PAPPA2: variants seen among roughly 807,000 people sequenced by gnomAD.
PAPPA2 encodes pappalysin-2.
PAPPA2 carries 86 observed loss-of-function variants against 176.4 expected under a neutral mutation model. The observed-to-expected ratio is 0.49, with a 90% confidence interval of 0.41 to 0.58. The LOEUF is 0.58. Among genes scored for constraint, PAPPA2 ranks in the 20% least tolerant of loss-of-function variants. The pLI is 0.00. For synonymous variants in PAPPA2, 809 were observed against 852.2 expected (o/e 0.95, Z 0.88); for missense variants, 2,073 against 2,256.9 (o/e 0.92, Z 1.65).
intron 3 of PAPPA2, among the ~76,000 whole-genome samples, chr1:176,662,561 C>G (rs921265614): frequency 1.3e-5 from 2 of 151,274 alleles, no homozygotes; most frequent in Admixed American, 1.3e-4. Context: ...TATGTTGGTT[C>G]AAGCCTTTTT....
chr1:176,745,955 C>T (rs1368006967), intron 14 of PAPPA2, among the ~76,000 whole-genome samples: 1 of 152,186 alleles, frequency 6.6e-6, no homozygotes, highest in Non-Finnish European at 1.5e-5. Flanking sequence ...CCACTGGGCA[C>T]TAATGAAACT....
intron 12 of PAPPA2, among the ~76,000 whole-genome samples, chr1:176,719,892 T>A (rs1661544708): frequency 6.6e-6 from 1 of 152,224 alleles, no homozygotes; most frequent in African/African-American, 2.4e-5. Flanking sequence ...TTTTAGTTTC[T>A]GTGTGAATGA....
intron 1 of PAPPA2, among the ~76,000 whole-genome samples, chr1:176,468,821 C>A (rs2102461820): frequency 6.6e-6 from 1 of 152,318 alleles, no homozygotes; most frequent in South Asian, 2.1e-4. Context: ...GCTAAGATTT[C>A]TCTTTGTTCT....
At chr1:176,755,427 G>A (rs540094855) in intron 14 of PAPPA2, among the ~76,000 whole-genome samples, 1 of 152,310 alleles carries the variant, frequency 6.6e-6, no homozygotes, top group East Asian at 1.9e-4. Flanking sequence ...GAGTGACACA[G>A]TCTGAAGCTC....
chr1:176,793,722 C>T, intron 20 of PAPPA2, 53 bp downstream of exon 20: 1 of 1,359,506 alleles, frequency 7.4e-7, no homozygotes, highest in Non-Finnish European at 1.0e-6. Flanking sequence ...CTGAGCAACA[C>T]TTGGAGCATT....
intron 3 of PAPPA2, among the ~76,000 whole-genome samples, chr1:176,627,107 C>T (rs1344316236): frequency 2.0e-5 from 3 of 152,018 alleles, no homozygotes; most frequent in African/African-American, 7.3e-5. Flanking sequence ...ACCTATGCTA[C>T]TGGTACTAAA....
intron 4 of PAPPA2, among the ~76,000 whole-genome samples, chr1:176,688,571 A>C (rs1159859205): frequency 6.6e-6 from 1 of 152,238 alleles, no homozygotes; most frequent in African/African-American, 2.4e-5. Flanking sequence ...AAAAAGGATA[A>C]GTTTAGAGAA....
At chr1:176,661,888 A>G (rs961502069) in intron 3 of PAPPA2, among the ~76,000 whole-genome samples, 19 of 151,870 alleles carry the variant, frequency 1.3e-4, no homozygotes, top group African/African-American at 4.6e-4. Flanking sequence ...TGCCTTATTA[A>G]TGTTTGATTA....
chr1:176,753,518 T>C (rs1431995253), intron 14 of PAPPA2, among the ~76,000 whole-genome samples: 1 of 151,282 alleles, frequency 6.6e-6, no homozygotes, highest in Non-Finnish European at 1.5e-5. Flanking sequence ...TTTGGATTAC[T>C]TCCCTTTTGA....
intron 17 of PAPPA2, among the ~76,000 whole-genome samples, chr1:176,783,710 C>G (rs1486988737): frequency 2.6e-5 from 4 of 152,194 alleles, no homozygotes; most frequent in African/African-American, 9.6e-5. Flanking sequence ...ACTAACAACC[C>G]TAGCCAAAAG....
intron 12 of PAPPA2, among the ~76,000 whole-genome samples, chr1:176,735,555 C>G (rs1018527494): frequency 6.6e-6 from 1 of 152,080 alleles, no homozygotes; most frequent in African/African-American, 2.4e-5. Flanking sequence ...AGTTCTACAT[C>G]AGAGACACTT....
intron 8 of PAPPA2, among the ~76,000 whole-genome samples, chr1:176,701,114 A>G (rs994876906): frequency 1.3e-5 from 2 of 152,092 alleles, no homozygotes; most frequent in African/African-American, 4.8e-5. Flanking sequence ...TTGTAGATGA[A>G]AAATCTGAGG....
chr1:176,615,405 G>A (rs1655146391), intron 3 of PAPPA2, among the ~76,000 whole-genome samples: 1 of 152,198 alleles, frequency 6.6e-6, no homozygotes, highest in Non-Finnish European at 1.5e-5. Context: ...CCGCCTCCCG[G>A]GTTCATGCCA....
chr1:176,501,753 T>C (rs1558404617), intron 1 of PAPPA2, among the ~76,000 whole-genome samples: 1 of 152,106 alleles, frequency 6.6e-6, no homozygotes. Flanking sequence ...AGTGGCTGAG[T>C]AAAAAACAAC....
intron 14 of PAPPA2, among the ~76,000 whole-genome samples, chr1:176,762,334 C>T (rs1026455545): frequency 3.3e-5 from 5 of 151,208 alleles, no homozygotes; most frequent in Admixed American, 1.3e-4. Context: ...TCCTCCCTTG[C>T]TTCTCCTGCT....
At chr1:176,642,500 C>G (rs2102729807) in intron 3 of PAPPA2, among the ~76,000 whole-genome samples, 1 of 151,822 alleles carries the variant, frequency 6.6e-6, no homozygotes, top group African/African-American at 2.4e-5. Flanking sequence ...ATCAACCTGA[C>G]AGTGACAAGA....
At chr1:176,828,690 A>T (rs1191574258) in intron 21 of PAPPA2, among the ~76,000 whole-genome samples, 5 of 152,082 alleles carry the variant, frequency 3.3e-5, no homozygotes, top group Non-Finnish European at 7.4e-5. Flanking sequence ...AGAATAAAAG[A>T]GAGAAAACAA....
rs1660887427 is a variant in PAPPA2, at chr1:176,706,478, T to A, written c.3457+28T>A. 6 of 1,588,714 alleles carry A rather than the reference T, an allele frequency of 3.8e-6. No individual in the cohort carries two copies. The East Asian group carries it at 1.3e-4, about 36-fold the overall frequency. ...AAGTTCAAGAGTTTCAGTCTAAGAT[T>A]GTGTCCTACTTTTAGAGGTGTATTA... On this transcript the variant is annotated intron_variant, in intron 10 of 22. Transcript: ENST00000367662.
chr1:176,574,610 A>C (rs1652540665), intron 2 of PAPPA2, among the ~76,000 whole-genome samples: 1 of 152,096 alleles, frequency 6.6e-6, no homozygotes, highest in Admixed American at 6.6e-5. Context: ...GTCCTGGGAG[A>C]TTCTCATGAG....
Sources: gnomAD v4.1 joint callset for allele counts (sites outside exome capture counted in the v4.1 genomes callset) on GRCh38, gnomAD v4.1.1 for gene constraint, MANE v1.5 for transcripts, NCBI Gene and HGNC (gene_info 2026-07-23, HGNC 2026-07-21) for gene names.